PLCL1: variants seen among roughly 807,000 people sequenced by gnomAD.
PLCL1 encodes phospholipase C like 1 (inactive), also known as inactive phospholipase C-like protein 1.
A neutral mutation model predicts 84.4 loss-of-function variants in PLCL1; 41 were observed. That is an observed-to-expected ratio of 0.49 (90% confidence interval 0.38 to 0.63). The LOEUF (loss-of-function observed/expected upper bound fraction) is 0.63. Ranked by LOEUF, PLCL1 falls within the 30% of genes least tolerant of loss-of-function variation. PLCL1 has a pLI of 0.00. For missense variants in PLCL1, 1,206 were observed against 1,367.8 expected, an observed-to-expected ratio of 0.88 and a Z score of 1.87; for synonymous variants, 490 against 488.3, an observed-to-expected ratio of 1.00 and a Z score of -0.05.
chr2:197,885,206 AT>A (rs1206573927), intron 1 of PLCL1, among the ~76,000 whole-genome samples: 1 of 152,204 alleles, frequency 6.6e-6, no homozygotes, highest in African/African-American at 2.4e-5. Flanking sequence ...GGTTTTTTAT[AT>A]TTTTAAGGAG....
intron 1 of PLCL1, among the ~76,000 whole-genome samples, chr2:197,959,514 G>T (rs955269698): frequency 1.3e-5 from 2 of 151,980 alleles, no homozygotes; most frequent in Admixed American, 6.6e-5. Flanking sequence ...GAGTTCCATA[G>T]ATCAAATCTC....
chr2:198,123,812 A>G (rs1574329095), intron 5 of PLCL1, among the ~76,000 whole-genome samples: 1 of 152,054 alleles, frequency 6.6e-6, no homozygotes, highest in Non-Finnish European at 1.5e-5. Flanking sequence ...TGAGGAATCT[A>G]GGTTGTTTGC....
chr2:197,914,479 G>A (rs1688552943), intron 1 of PLCL1, among the ~76,000 whole-genome samples: 1 of 151,934 alleles, frequency 6.6e-6, no homozygotes, highest in Admixed American at 6.6e-5. Flanking sequence ...ACAGGTGCAC[G>A]CCACCACACC....
chr2:197,901,998 G>A (rs1453114934), intron 1 of PLCL1, among the ~76,000 whole-genome samples: 1 of 152,070 alleles, frequency 6.6e-6, no homozygotes, highest in Non-Finnish European at 1.5e-5. Flanking sequence ...CACATGAAAT[G>A]CAGGCTAGAA....
intron 1 of PLCL1, among the ~76,000 whole-genome samples, chr2:197,818,710 C>T (rs1032383990): frequency 5.9e-5 from 9 of 152,010 alleles, no homozygotes; most frequent in African/African-American, 1.7e-4. Context: ...GTAATGGTGG[C>T]GGCATTTAAC....
At chr2:198,051,489 A>G (rs1691929885) in intron 1 of PLCL1, among the ~76,000 whole-genome samples, 1 of 152,178 alleles carries the variant, frequency 6.6e-6, no homozygotes, top group South Asian at 2.1e-4. Context: ...TTGAAAATTT[A>G]TATTCTTGTT....
At chr2:198,044,060 A>C (rs1691731990) in intron 1 of PLCL1, among the ~76,000 whole-genome samples, 1 of 152,012 alleles carries the variant, frequency 6.6e-6, no homozygotes, top group Non-Finnish European at 1.5e-5. Context: ...GCAAAATTAC[A>C]CAACATATTT....
At chr2:198,000,690 G>C (rs1690578351) in intron 1 of PLCL1, among the ~76,000 whole-genome samples, 1 of 151,634 alleles carries the variant, frequency 6.6e-6, no homozygotes, top group Non-Finnish European at 1.5e-5. Context: ...ACTTATTCGA[G>C]GTGATAACAC....
intron 1 of PLCL1, among the ~76,000 whole-genome samples, chr2:197,924,136 G>A (rs1038847488): frequency 4.4e-5 from 4 of 90,244 alleles, no homozygotes; most frequent in Non-Finnish European, 7.1e-5. Flanking sequence ...GGGAGACCGT[G>A]GGGAGAGGGA....
intron 1 of PLCL1, among the ~76,000 whole-genome samples, chr2:198,019,904 C>T (rs1226138265): frequency 6.6e-6 from 1 of 152,114 alleles, no homozygotes; most frequent in African/African-American, 2.4e-5. Context: ...AAAGATACTC[C>T]TTGAGAAGAG....
At chr2:197,881,605 C>T (rs1044993687) in intron 1 of PLCL1, among the ~76,000 whole-genome samples, 11 of 151,966 alleles carry the variant, frequency 7.2e-5, no homozygotes. Context: ...AACCTCTAGG[C>T]CTCAGAGTTA....
intron 5 of PLCL1, among the ~76,000 whole-genome samples, chr2:198,125,231 C>A (rs1359467919): frequency 6.6e-6 from 1 of 152,102 alleles, no homozygotes; most frequent in Non-Finnish European, 1.5e-5. Flanking sequence ...CTTAGTCTGG[C>A]CTTCAAAATG....
chr2:198,007,480 C>T (rs1372097355), intron 1 of PLCL1, among the ~76,000 whole-genome samples: 1 of 152,056 alleles, frequency 6.6e-6, no homozygotes, highest in Non-Finnish European at 1.5e-5. Context: ...GTGTGTAATT[C>T]AGTACATATA....
chr2:197,943,627 C>CTTTTTTTTTTTTTTTTTTTTTTTTTT (rs5837573), intron 1 of PLCL1, among the ~76,000 whole-genome samples: 3 of 119,208 alleles, frequency 2.5e-5, no homozygotes, highest in East Asian at 2.4e-4. Flanking sequence ...TTGGTTACAT[C>CTTTTTTTTTTTTTTTTTTTTTTTTTT]TTTTTTTTTT....
At chr2:198,083,416 C>G (rs1292258146) in intron 1 of PLCL1, among the ~76,000 whole-genome samples, 4 of 152,116 alleles carry the variant, frequency 2.6e-5, no homozygotes, top group African/African-American at 9.7e-5. Flanking sequence ...AGCTTTATTT[C>G]TTTTACGTAT....
intron 1 of PLCL1, among the ~76,000 whole-genome samples, chr2:197,943,074 G>T (rs1330898745): frequency 2.0e-5 from 3 of 151,644 alleles, no homozygotes; most frequent in Non-Finnish European, 4.4e-5. Context: ...AAGTGCAGTG[G>T]CATGCGTGGG....
chr2:198,038,862 A>G (rs1035744164), intron 1 of PLCL1, among the ~76,000 whole-genome samples: 14 of 148,952 alleles, frequency 9.4e-5, no homozygotes, highest in Non-Finnish European at 1.5e-4. Flanking sequence ...AAAAAAAAAG[A>G]AAAAAAGAGT....
chr2:197,856,236 G>A (rs1490535961), intron 1 of PLCL1, among the ~76,000 whole-genome samples: 1 of 152,186 alleles, frequency 6.6e-6, no homozygotes, highest in East Asian at 1.9e-4. Flanking sequence ...GTAGGTCATA[G>A]TGACACTGTG....
chr2:198,094,791 C>G (rs1693150821), intron 3 of PLCL1, among the ~76,000 whole-genome samples: 1 of 151,996 alleles, frequency 6.6e-6, no homozygotes, highest in South Asian at 2.1e-4. Flanking sequence ...TGGGGTTGCT[C>G]AAAGAATTGC....
Sources: allele counts gnomAD v4.1 joint callset (sites outside exome capture counted in the v4.1 genomes callset), GRCh38; gene constraint gnomAD v4.1.1; transcripts MANE v1.5; gene names NCBI Gene and HGNC (gene_info 2026-07-23, HGNC 2026-07-21).